ANKRD17: variants seen among roughly 807,000 people sequenced by gnomAD.
ANKRD17 encodes ankyrin repeat domain-containing protein 17.
A neutral mutation model predicts 229.7 loss-of-function variants in ANKRD17; 19 were observed. That is an observed-to-expected ratio of 0.08 (90% CI 0.06 to 0.12). The LOEUF is 0.12. ANKRD17 is among the 10% of genes least tolerant of loss of function. ANKRD17 has a pLI of 1.00. For missense variants in ANKRD17, 2,176 were observed against 3,176.8 expected (o/e 0.68, Z 7.57); for synonymous variants, 1,112 against 1,146.1 (o/e 0.97, Z 0.60).
rs764588655 is a variant in ANKRD17 at position 73,258,456 on chromosome 4, G to GTGC, written c.210_212dup (p.Gln70dup). 1.9e-6 allele frequency: 3 copies of GTGC among 1,607,638 alleles called. No homozygotes were observed. Among genetic ancestry groups the GTGC allele is most frequent in the Admixed American group, 1.7e-5 (1 of 59,296 alleles). ...AAGTCCGGTTACGCTTGGCCTTGTG[G>GTGC]TGCTGCTGCTGCGGCGGCTTCTTCT... On this transcript the variant is annotated inframe_insertion, in exon 1 of 34. Coordinates refer to ENST00000358602, the MANE Select transcript of ANKRD17 (RefSeq NM_032217.5).
chr4:73,205,596 T>C lies in ANKRD17; in HGVS notation c.394-28063A>G, dbSNP rs568038795. On this transcript the variant is annotated intron_variant, in intron 1 of 33. Transcript: ENST00000358602. ...AACAAATACAAAACTCAACTCACAA[T>C]GGATTAAAGACTTAAACATAAGCAC... Among the ~76,000 whole-genome samples the C allele has an allele frequency of 1.2e-3, 178 of 152,264 alleles. 5 individuals carry two copies. The South Asian group carries it at 0.029, about 25-fold the overall frequency.
At position 73,146,879 on chromosome 4, in the gene ANKRD17, G is replaced by T; in HGVS notation, c.1760-6C>A. ...TGTTGCATGAACGTTAGCTCCTGTAGTAGTCAACAAATAATACATAGACTT... is the reference window on the plus strand; with the variant it reads ...TGTTGCATGAACGTTAGCTCCTGTATTAGTCAACAAATAATACATAGACTT... On this transcript the variant is annotated splice_polypyrimidine_tract_variant and splice_region_variant and intron_variant, in intron 9 of 33. Coordinates refer to ENST00000358602, the MANE Select transcript of ANKRD17 (RefSeq NM_032217.5). 3.7e-6 allele frequency: 6 copies of T among 1,600,554 alleles called. No individual in the cohort carries two copies. The highest frequency in any genetic ancestry group is 5.1e-6 in the Non-Finnish European group (6 of 1,169,418).
At chr4:73,200,020 A>G (rs2149101811) in intron 1 of ANKRD17, among the ~76,000 whole-genome samples, 1 of 152,330 alleles carries the variant, frequency 6.6e-6, no homozygotes, top group South Asian at 2.1e-4. Flanking sequence ...GTCTCTATAA[A>G]CACTGATTAT....
chr4:73,083,657 C>T (rs1015418304), intron 30 of ANKRD17, among the ~76,000 whole-genome samples: 5 of 152,068 alleles, frequency 3.3e-5, no homozygotes, highest in African/African-American at 7.2e-5. Context: ...AAAAACCTAA[C>T]CTGGGTGGTG....
chr4:73,153,222 C>T lies in ANKRD17; in HGVS notation c.1234+658G>A, dbSNP rs762468593. Among the ~76,000 whole-genome samples the T allele has an allele frequency of 5.9e-5, 9 of 151,834 alleles. No individual in the cohort carries two copies. The East Asian group carries it at 1.3e-3, about 23-fold the overall frequency. On this transcript the variant is annotated intron_variant, in intron 6 of 33. Coordinates refer to ENST00000358602, the MANE Select transcript of ANKRD17 (RefSeq NM_032217.5). Reference sequence around the variant, plus strand: ...ATGCCTAGGGGTCAAGAATTTATGACGTAAATAATATGGGACAACTATATA... The same window carrying T: ...ATGCCTAGGGGTCAAGAATTTATGATGTAAATAATATGGGACAACTATATA...
At chr4:73,175,436 A>G (rs1734607688) in intron 2 of ANKRD17, among the ~76,000 whole-genome samples, 1 of 152,176 alleles carries the variant, frequency 6.6e-6, no homozygotes, top group African/African-American at 2.4e-5. Flanking sequence ...GGGGACACAG[A>G]GCCAAACCAT....
At chr4:73,116,229 G>A (rs991950534) in intron 22 of ANKRD17, among the ~76,000 whole-genome samples, 1 of 150,538 alleles carries the variant, frequency 6.6e-6, no homozygotes, top group East Asian at 2.0e-4. Context: ...TGGGGGGTGG[G>A]GATTCTTATT....
intron 1 of ANKRD17, among the ~76,000 whole-genome samples, chr4:73,247,344 T>C (rs1353431572): frequency 6.6e-6 from 1 of 152,070 alleles, no homozygotes; most frequent in Non-Finnish European, 1.5e-5. Flanking sequence ...ATGTGCATAC[T>C]CTAGCCCAAC....
chr4:73,219,054 C>T (rs1418317050), intron 1 of ANKRD17, among the ~76,000 whole-genome samples: 1 of 152,156 alleles, frequency 6.6e-6, no homozygotes, highest in Non-Finnish European at 1.5e-5. Context: ...CAGCAAGATT[C>T]CGTCTCAAAC....
chr4:73,133,134 C>A (rs1461413491), intron 16 of ANKRD17, among the ~76,000 whole-genome samples: 1 of 151,894 alleles, frequency 6.6e-6, no homozygotes, highest in African/African-American at 2.4e-5. Flanking sequence ...CCTGTAATCC[C>A]AGCTACTCAG....
chr4:73,184,528 C>CAAAAAAAAAA (rs776930137), intron 1 of ANKRD17, among the ~76,000 whole-genome samples: 7 of 29,972 alleles, frequency 2.3e-4, no homozygotes, highest in East Asian at 7.8e-4. Context: ...GACTTCCTCT[C>CAAAAAAAAAA]AAAAAAAAAA....
At chr4:73,087,329 CTT>C (rs979874261) in intron 29 of ANKRD17, among the ~76,000 whole-genome samples, 8 of 152,118 alleles carry the variant, frequency 5.3e-5, no homozygotes, top group African/African-American at 1.9e-4. Context: ...AAATGAGCCT[CTT>C]GTCTCAGTCT....
rs146938494 is a variant in ANKRD17, at chr4:73,128,801, GC to G, written c.3235-3490del. Among the ~76,000 whole-genome samples the G allele has an allele frequency of 4.4e-3, 666 of 152,152 alleles. 5 individuals carry two copies. Among genetic ancestry groups the G allele is most frequent in the African/African-American group, 0.015 (641 of 41,516 alleles). On this transcript the variant is annotated intron_variant, in intron 16 of 33. Coordinates refer to ENST00000358602, the MANE Select transcript of ANKRD17 (RefSeq NM_032217.5). The stretch of plus-strand genomic sequence containing the variant: ...AAGTGGGCAACTCCATTGTATTTCT[GC>G]ATTAAGAGAAACTAAACCAACTAAC...
chr4:73,258,798 TGCCGCCGCCGCC>T, upstream of ANKRD17: 1 of 1,139,250 alleles, frequency 8.8e-7, no homozygotes, highest in Non-Finnish European at 1.1e-6. Flanking sequence ...TCACCTCTAC[TGCCGCCGCCGCC>T]GCCGCCGCTC....
chr4:73,093,594 G>A (rs1379848773), intron 28 of ANKRD17, among the ~76,000 whole-genome samples: 4 of 151,976 alleles, frequency 2.6e-5, no homozygotes, highest in East Asian at 3.9e-4. Context: ...GGCTGGTCTC[G>A]AACTCCTGAC....
intron 1 of ANKRD17, among the ~76,000 whole-genome samples, chr4:73,204,886 G>C (rs1739244373): frequency 6.6e-6 from 1 of 151,666 alleles, no homozygotes; most frequent in Admixed American, 6.6e-5. Context: ...ACCAATAAAA[G>C]GGACAAAAAG....
intron 1 of ANKRD17, 28 bp from the exon 2 acceptor site, chr4:73,177,561 G>A: frequency 6.4e-7 from 1 of 1,570,202 alleles, no homozygotes. Context: ...AAAGAGGGAG[G>A]AAGGGAGAAA....
intron 1 of ANKRD17, among the ~76,000 whole-genome samples, chr4:73,231,015 T>G (rs1399224084): frequency 6.6e-6 from 1 of 152,220 alleles, no homozygotes; most frequent in African/African-American, 2.4e-5. Flanking sequence ...AGAAATTACT[T>G]ATTTCAATGT....
At chr4:73,247,154 C>A (rs758409537) in intron 1 of ANKRD17, among the ~76,000 whole-genome samples, 1 of 151,790 alleles carries the variant, frequency 6.6e-6, no homozygotes, top group Non-Finnish European at 1.5e-5. Flanking sequence ...TTCAAGACAT[C>A]CAAATGAAAA....
Sources: gnomAD v4.1 joint callset for allele counts (sites outside exome capture counted in the v4.1 genomes callset) on GRCh38, gnomAD v4.1.1 for gene constraint, MANE v1.5 for transcripts, NCBI Gene and HGNC (gene_info 2026-07-23, HGNC 2026-07-21) for gene names.